TBC1D5: variants seen among roughly 807,000 people sequenced by gnomAD.
The protein encoded by TBC1D5 is TBC1 domain family, member 5.
A neutral mutation model predicts 100.3 loss-of-function variants in TBC1D5; 75 were observed. The observed-to-expected ratio is 0.75, with a 90% CI of 0.62 to 0.91. TBC1D5 has a LOEUF of 0.91. Ranked by LOEUF, TBC1D5 falls within the 40% of genes least tolerant of loss-of-function variation. The pLI, the probability that TBC1D5 is intolerant of heterozygous loss-of-function variation, is 0.00. For missense variants in TBC1D5, 910 were observed against 942.4 expected (o/e 0.97, Z 0.45); for synonymous variants, 323 against 325.6 (o/e 0.99, Z 0.09).
chr3:17,314,712 T>C (rs1161672342), intron 13 of TBC1D5, among the ~76,000 whole-genome samples: 1 of 152,220 alleles, frequency 6.6e-6, no homozygotes, highest in East Asian at 1.9e-4. Flanking sequence ...TGAGAGGCAC[T>C]GGACAAGGTG....
intron 1 of TBC1D5, among the ~76,000 whole-genome samples, chr3:17,685,325 T>G (rs1034223602): frequency 6.6e-6 from 1 of 151,884 alleles, no homozygotes; most frequent in Non-Finnish European, 1.5e-5. Flanking sequence ...CTAAAAGCAA[T>G]AAACTCAAAA....
intron 3 of TBC1D5, among the ~76,000 whole-genome samples, chr3:17,433,530 G>A (rs2094480857): frequency 6.6e-6 from 1 of 152,088 alleles, no homozygotes; most frequent in Admixed American, 6.5e-5. Context: ...GCAGCATGGG[G>A]GTAACCGCCC....
chr3:17,380,026 T>G (rs1420427839), intron 9 of TBC1D5, among the ~76,000 whole-genome samples: 1 of 148,894 alleles, frequency 6.7e-6, no homozygotes, highest in East Asian at 2.0e-4. Flanking sequence ...GAATGGACAC[T>G]GTACAGCTGT....
Position 17,732,331 on chromosome 3 carries a change from C to G in TBC1D5, c.-101+7012G>C, listed in dbSNP as rs948976457. On this transcript the variant is annotated intron_variant, in intron 1 of 21. Transcript: ENST00000253692. ...AGACTCCATCTCAAAAAACAAAAAA[C>G]AAACAAAAAAAGACTCTTCAGAAGC... 8.0e-5 allele frequency among the ~76,000 whole-genome samples: 12 copies of G among 149,372 alleles called. No individual in the cohort carries two copies. In the East Asian group the frequency reaches 2.2e-3, roughly 28 times the overall value.
chr3:17,534,914 T>C (rs550423465), intron 2 of TBC1D5, among the ~76,000 whole-genome samples: 133 of 152,318 alleles, frequency 8.7e-4, no homozygotes, highest in African/African-American at 2.9e-3. Context: ...TTAATGACTT[T>C]TCTTTAATCA....
chr3:17,709,609 T>A (rs1015571741), intron 1 of TBC1D5, among the ~76,000 whole-genome samples: 6 of 152,124 alleles, frequency 3.9e-5, no homozygotes, highest in African/African-American at 1.4e-4. Context: ...TAACGGCACA[T>A]TGAAATAATA....
At chr3:17,194,014 A>G (rs1296016103) in intron 18 of TBC1D5, among the ~76,000 whole-genome samples, 1 of 152,204 alleles carries the variant, frequency 6.6e-6, no homozygotes, top group African/African-American at 2.4e-5. Context: ...TAATATGAAT[A>G]AAAATCAGCT....
At chr3:17,581,534 GCTCT>G (rs780089775) in intron 2 of TBC1D5, among the ~76,000 whole-genome samples, 47 of 152,210 alleles carry the variant, frequency 3.1e-4, no homozygotes, top group Non-Finnish European at 6.5e-4. Flanking sequence ...ATTAAATGAA[GCTCT>G]CTATCTTTTC....
At chr3:17,457,042 A>T (rs2881803) in intron 3 of TBC1D5, among the ~76,000 whole-genome samples, 13,886 of 152,100 alleles carry the variant, frequency 0.091, 1,427 homozygotes, top group African/African-American at 0.26. Context: ...TGGGGGGTAG[A>T]ATCTTTTGCA....
chr3:17,337,950 T>C (rs1331943589), intron 13 of TBC1D5, among the ~76,000 whole-genome samples: 1 of 152,302 alleles, frequency 6.6e-6, no homozygotes, highest in African/African-American at 2.4e-5. Flanking sequence ...AATGAAATAA[T>C]TGAATTTTCT....
intron 9 of TBC1D5, among the ~76,000 whole-genome samples, chr3:17,379,010 T>C (rs1271413699): frequency 6.6e-6 from 1 of 151,876 alleles, no homozygotes; most frequent in East Asian, 1.9e-4. Flanking sequence ...GTGAAATACA[T>C]TGGTTTGTAT....
chr3:17,721,771 G>A (rs1199792444), intron 1 of TBC1D5, among the ~76,000 whole-genome samples: 1 of 151,810 alleles, frequency 6.6e-6, no homozygotes, highest in Non-Finnish European at 1.5e-5. Context: ...CCCTGAGCTC[G>A]GGAGTTCAAG....
chr3:17,634,871 A>G (rs1376941743), intron 1 of TBC1D5, among the ~76,000 whole-genome samples: 2 of 152,224 alleles, frequency 1.3e-5, no homozygotes, highest in Non-Finnish European at 2.9e-5. Context: ...TTAAACATTA[A>G]AACATTTTTA....
chr3:17,177,406 G>C (rs1322854214), intron 19 of TBC1D5, among the ~76,000 whole-genome samples: 2 of 152,208 alleles, frequency 1.3e-5, no homozygotes, highest in African/African-American at 4.8e-5. Flanking sequence ...CAAGGTGATG[G>C]AGGCTGAAAA....
intron 1 of TBC1D5, among the ~76,000 whole-genome samples, chr3:17,725,448 A>G (rs2076044449): frequency 6.6e-6 from 1 of 151,700 alleles, no homozygotes; most frequent in Non-Finnish European, 1.5e-5. Context: ...GGGCAAGAGC[A>G]TAGCAGGGTT....
At chr3:17,720,760 A>C (rs914352300) in intron 1 of TBC1D5, among the ~76,000 whole-genome samples, 1 of 151,318 alleles carries the variant, frequency 6.6e-6, no homozygotes, top group African/African-American at 2.4e-5. Context: ...GGCTGTATTT[A>C]GAAGTGATAG....
intron 9 of TBC1D5, among the ~76,000 whole-genome samples, chr3:17,378,654 T>A (rs1342695310): frequency 1.3e-5 from 2 of 151,850 alleles, no homozygotes; most frequent in African/African-American, 4.8e-5. Flanking sequence ...TGATATATCA[T>A]ACTGACATTA....
At chr3:17,450,523 T>C (rs537019476) in intron 3 of TBC1D5, among the ~76,000 whole-genome samples, 1 of 152,062 alleles carries the variant, frequency 6.6e-6, no homozygotes, top group African/African-American at 2.4e-5. Context: ...GAATAACCAG[T>C]GTAGAGAAGA....
intron 2 of TBC1D5, among the ~76,000 whole-genome samples, chr3:17,597,328 T>G (rs1035367811): frequency 2.6e-5 from 4 of 152,320 alleles, no homozygotes; most frequent in Admixed American, 2.0e-4. Flanking sequence ...GTATCTCATT[T>G]AATGCCTACC....
Sources: allele counts gnomAD v4.1 joint callset (sites outside exome capture counted in the v4.1 genomes callset), GRCh38; gene constraint gnomAD v4.1.1; transcripts MANE v1.5; gene names NCBI Gene and HGNC (gene_info 2026-07-23, HGNC 2026-07-21).